The following UHRF1 variants were observed in gnomAD, a reference collection of about 807,000 sequenced individuals.
UHRF1 encodes the protein ubiquitin like with PHD and ring finger domains 1, also known as E3 ubiquitin-protein ligase UHRF1.
Under a neutral mutation model 96.5 loss-of-function variants are expected in UHRF1, and 9 were observed. The ratio of observed to expected loss-of-function variants is 0.09; its 90% CI spans 0.06 to 0.16. UHRF1 has a LOEUF of 0.16. Ranked by LOEUF, UHRF1 falls within the 10% of genes least tolerant of loss-of-function variation. The probability of loss-of-function intolerance (pLI) is 1.00; values close to 1 mark genes in which losing one functional copy is unlikely to be tolerated. For missense variants in UHRF1, 626 were observed against 1,131.1 expected (o/e 0.55, Z 6.40); for synonymous variants, 455 against 469.9 (o/e 0.97, Z 0.41).
rs1375723839 is a variant in UHRF1, at chr19:4,960,674, C to A, written c.2253C>A (p.Ser751=). The A allele has an allele frequency of 1.9e-6, 3 of 1,611,394 alleles. No individual in the cohort carries two copies. The highest frequency in any genetic ancestry group is 2.5e-6 in the Non-Finnish European group (3 of 1,178,930). The change falls in exon 17 of 17, where the codon TCC becomes TCA. Residue 751 remains serine (S), a synonymous_variant. Transcript: ENST00000650932. ...HNVCKDCLDR[S]FRAQVFSCPA... The stretch of plus-strand genomic sequence containing the variant: ...TCTTACAGGACTGCCTGGACAGATC[C>A]TTTCGGGCACAGGTGTTCAGCTGCC...
intron 5 of UHRF1, among the ~76,000 whole-genome samples, chr19:4,936,927 G>T (rs964823102): frequency 6.6e-6 from 1 of 151,862 alleles, no homozygotes; most frequent in African/African-American, 2.4e-5. Flanking sequence ...TATTGACATT[G>T]ATACAGTCAA....
At chr19:4,949,611 T>C (rs2033664285) in intron 11 of UHRF1, among the ~76,000 whole-genome samples, 1 of 152,114 alleles carries the variant, frequency 6.6e-6, no homozygotes. Context: ...GGAGGATTGC[T>C]TGAGGCTAGG....
At chr19:4,935,773 C>T (rs2033197813) in intron 5 of UHRF1, among the ~76,000 whole-genome samples, 1 of 152,084 alleles carries the variant, frequency 6.6e-6, no homozygotes, top group African/African-American at 2.4e-5. Flanking sequence ...TAAGTGACAG[C>T]CCTGTCCATA....
chr19:4,927,367 T>TGA (rs1181126985), intron 2 of UHRF1, among the ~76,000 whole-genome samples: 1 of 116,982 alleles, frequency 8.5e-6, no homozygotes, highest in East Asian at 2.2e-4. Flanking sequence ...GGCGACAGAG[T>TGA]GAGACTCCAT....
chr19:4,942,033 C>T (rs983328004), intron 7 of UHRF1, 102 bp downstream of exon 7: 9 of 1,260,776 alleles, frequency 7.1e-6, no homozygotes, highest in African/African-American at 6.1e-5. Flanking sequence ...CGGGGGCTCA[C>T]GCCTGCAATC....
chr19:4,951,191 A>C (rs2033708879), intron 13 of UHRF1, among the ~76,000 whole-genome samples, 195 bp downstream of exon 13: 1 of 152,132 alleles, frequency 6.6e-6, no homozygotes, highest in Admixed American at 6.5e-5. Flanking sequence ...GCTTGAACCC[A>C]GAAGGTGGAG....
At chr19:4,946,246 C>A (rs1342428728) in intron 10 of UHRF1, among the ~76,000 whole-genome samples, 1 of 152,132 alleles carries the variant, frequency 6.6e-6, no homozygotes, top group Admixed American at 6.6e-5. Flanking sequence ...TCTGACGACT[C>A]TGGAGACCTC....
upstream of UHRF1, chr19:4,909,320 G>A (rs551032480): frequency 2.1e-4 from 121 of 571,424 alleles, no homozygotes; most frequent in Middle Eastern, 5.8e-4. Flanking sequence ...AGAGCGCGCA[G>A]GGCTGGGCGG....
chr19:4,909,001 G>A (rs1372737441), upstream of UHRF1, among the ~76,000 whole-genome samples: 6 of 152,162 alleles, frequency 3.9e-5, no homozygotes. Context: ...CAAGCCCTGC[G>A]GGTGGGTAGA....
rs563194286 is a variant in UHRF1, at chr19:4,914,406, T to C, written c.153+3368T>C. Among the ~76,000 whole-genome samples the C allele has an allele frequency of 2.0e-4, 30 of 152,188 alleles. 1 individual carries two copies. The highest frequency in any genetic ancestry group is 1.5e-3 in the South Asian group (7 of 4,812). On this transcript the variant is annotated intron_variant, in intron 2 of 16. Transcript: ENST00000650932. ...CTAGAGTGTTCACAGTCTTTTTTTT[T>C]CCCTGTTTAAAGAAACCTGGCCTAG...
At chr19:4,907,038 C>T (rs1194502084), upstream of UHRF1, among the ~76,000 whole-genome samples, 1 of 152,190 alleles carries the variant, frequency 6.6e-6, no homozygotes, top group Non-Finnish European at 1.5e-5. Context: ...ACCATCTGGA[C>T]ATCGTGGATT....
Position 4,960,678 on chromosome 19 carries a change from C to A in UHRF1, c.2257C>A (p.Arg753=), listed in dbSNP as rs1276112477. ...VCKDCLDRSF[R]AQVFSCPACR... is the part of the protein sequence containing the mutation. ...ACAGGACTGCCTGGACAGATCCTTT[C>A]GGGCACAGGTGTTCAGCTGCCCTGC... The change falls in exon 17 of 17, where the codon CGG becomes AGG. Residue 753 remains arginine (R), a synonymous_variant. Coordinates refer to ENST00000650932, the MANE Select transcript of UHRF1 (RefSeq NM_001048201.3). 1.2e-6 allele frequency: 2 copies of A among 1,610,552 alleles called. No homozygotes were observed. Among genetic ancestry groups the A allele is most frequent in the East Asian group, 2.2e-5 (1 of 44,708 alleles).
At chr19:4,904,180 T>C (rs1176921707) in intron 1 of UHRF1, among the ~76,000 whole-genome samples, 1 of 149,786 alleles carries the variant, frequency 6.7e-6, no homozygotes, top group Non-Finnish European at 1.5e-5. Flanking sequence ...TTTGTTTTTG[T>C]TTTTGTTTTT....
chr19:4,912,808 G>C lies in UHRF1; in HGVS notation c.153+1770G>C, dbSNP rs567747414. On this transcript the variant is annotated intron_variant, in intron 2 of 16. Coordinates refer to ENST00000650932, the MANE Select transcript of UHRF1 (RefSeq NM_001048201.3). ...GACAGGATCTCACTCTGCCCAGGCT[G>C]TGTTGCAGTGGCACGATCACAGCTC... Among the ~76,000 whole-genome samples, 33 of 152,248 alleles carry C rather than the reference G, an allele frequency of 2.2e-4. 1 individual carries two copies. Among genetic ancestry groups the C allele is most frequent in the Non-Finnish European group, 1.0e-4 (7 of 68,022 alleles).
intron 2 of UHRF1, among the ~76,000 whole-genome samples, chr19:4,912,477 C>T (rs1330827649): frequency 3.3e-5 from 5 of 152,120 alleles, no homozygotes; most frequent in Non-Finnish European, 5.9e-5. Flanking sequence ...GCTGAGTATC[C>T]ACTCTATGCC....
chr19:4,903,537 C>T (rs1256876154), exon 1 of UHRF1: 2 of 152,072 alleles, frequency 1.3e-5, no homozygotes, highest in Non-Finnish European at 2.9e-5. Context: ...TGGTCTCACT[C>T]TGTCAGCCAG....
chr19:4,918,065 G>A (rs571364711), intron 2 of UHRF1, among the ~76,000 whole-genome samples: 4 of 152,096 alleles, frequency 2.6e-5, no homozygotes, highest in East Asian at 1.9e-4. Context: ...GTAGTAACCT[G>A]TCTGCTTCCA....
intron 10 of UHRF1, 30 bp from the exon 11 acceptor site, chr19:4,947,075 G>C: frequency 6.4e-7 from 1 of 1,563,878 alleles, no homozygotes; most frequent in South Asian, 1.1e-5. Flanking sequence ...CCTCTGCAGA[G>C]GGTTCACCCA....
intron 5 of UHRF1, among the ~76,000 whole-genome samples, 189 bp downstream of exon 5, chr19:4,933,145 C>T (rs771225473): frequency 2.5e-4 from 38 of 152,352 alleles, no homozygotes; most frequent in Non-Finnish European, 3.8e-4. Context: ...GACCGACCAC[C>T]TTGTGCCCCT....
Sources: gnomAD v4.1 joint callset for allele counts (sites outside exome capture counted in the v4.1 genomes callset) on GRCh38, gnomAD v4.1.1 for gene constraint, MANE v1.5 for transcripts, NCBI Gene and HGNC (gene_info 2026-07-23, HGNC 2026-07-21) for gene names.